The following SGCD variants were observed in gnomAD, a reference collection of about 807,000 sequenced individuals.
SGCD encodes sarcoglycan delta.
Under a neutral mutation model 36.6 loss-of-function variants are expected in SGCD, and 18 were observed. That is an observed-to-expected ratio of 0.49 (90% CI 0.34 to 0.73). SGCD has a LOEUF of 0.73. SGCD is among the 30% of genes least tolerant of loss of function. The pLI, the probability that SGCD is intolerant of heterozygous loss-of-function variation, is 0.01. For missense variants in SGCD, 387 were observed against 346.7 expected (o/e 1.12, Z -0.92); for synonymous variants, 133 against 130.6 (o/e 1.02, Z -0.12).
chr5:155,897,173 C>T (rs1014388094), intron 1 of SGCD, among the ~76,000 whole-genome samples: 3 of 152,162 alleles, frequency 2.0e-5, no homozygotes, highest in African/African-American at 7.2e-5. Flanking sequence ...CTATATGGTA[C>T]AGCTTAGTGC....
At chr5:156,200,353 T>C (rs780863020) in intron 3 of SGCD, among the ~76,000 whole-genome samples, 2 of 152,096 alleles carry the variant, frequency 1.3e-5, no homozygotes, top group Non-Finnish European at 2.9e-5. Context: ...AGACTGGATA[T>C]GAACCTTTGC....
At chr5:156,687,963 C>G (rs887789831) in intron 7 of SGCD, among the ~76,000 whole-genome samples, 4 of 152,064 alleles carry the variant, frequency 2.6e-5, no homozygotes, top group African/African-American at 9.7e-5. Context: ...TGACACCTAC[C>G]CCAGCCCTTC....
chr5:156,080,918 G>A (rs577333055), intron 1 of SGCD, among the ~76,000 whole-genome samples: 3 of 152,104 alleles, frequency 2.0e-5, no homozygotes, highest in Admixed American at 6.5e-5. Context: ...TCACCTATAC[G>A]TTTTCACTAT....
chr5:156,487,400 G>C (rs1260745529), intron 3 of SGCD, among the ~76,000 whole-genome samples: 1 of 152,172 alleles, frequency 6.6e-6, no homozygotes, highest in Non-Finnish European at 1.5e-5. Flanking sequence ...AAAATCCACT[G>C]TTACACCAGA....
chr5:156,536,630 T>G (rs11746739), intron 4 of SGCD, among the ~76,000 whole-genome samples: 65,581 of 151,316 alleles, frequency 0.43, 14,537 homozygotes, highest in Non-Finnish European at 0.49. Flanking sequence ...TTGGCAGAGG[T>G]TATGATCTGG....
At chr5:155,838,199 T>A in the SGCD span, among the ~76,000 whole-genome samples, 1 of 152,194 alleles carries the variant, frequency 6.6e-6, no homozygotes, top group Non-Finnish European at 1.5e-5. Flanking sequence ...ACTTAAAAGA[T>A]TTTAACGATT....
intron 3 of SGCD, among the ~76,000 whole-genome samples, chr5:156,384,961 G>A (rs1306715640): frequency 1.3e-5 from 2 of 152,184 alleles, no homozygotes; most frequent in African/African-American, 2.4e-5. Flanking sequence ...CAGGAGAGAT[G>A]GCAGGTTGCG....
intron 7 of SGCD, among the ~76,000 whole-genome samples, chr5:156,679,725 G>A (rs1327171027): frequency 1.3e-5 from 2 of 152,078 alleles, no homozygotes; most frequent in South Asian, 2.1e-4. Flanking sequence ...CTGCGGCTAC[G>A]TTACTTAGAA....
chr5:156,152,536 TA>T (rs1169488628), intron 3 of SGCD, among the ~76,000 whole-genome samples: 2 of 151,664 alleles, frequency 1.3e-5, no homozygotes, highest in African/African-American at 2.4e-5. Context: ...AGACTTAGTA[TA>T]AAAAATATAG....
intron 3 of SGCD, among the ~76,000 whole-genome samples, chr5:156,422,911 G>A (rs1459434441): frequency 1.3e-5 from 2 of 151,574 alleles, no homozygotes; most frequent in Admixed American, 6.6e-5. Context: ...CTAGGATCAC[G>A]AAAGGAAATT....
chr5:156,285,793 G>A (rs561925136), intron 3 of SGCD, among the ~76,000 whole-genome samples: 85 of 152,124 alleles, frequency 5.6e-4, no homozygotes, highest in African/African-American at 2.0e-3. Flanking sequence ...AACACCAAAA[G>A]CAATGGCAAC....
chr5:156,438,149 T>C (rs1580992972), intron 3 of SGCD, among the ~76,000 whole-genome samples: 1 of 152,276 alleles, frequency 6.6e-6, no homozygotes, highest in East Asian at 1.9e-4. Flanking sequence ...CAGTAGGAAA[T>C]CAAGCATTTT....
At chr5:156,626,395 C>A (rs1346012337) in intron 6 of SGCD, among the ~76,000 whole-genome samples, 1 of 152,166 alleles carries the variant, frequency 6.6e-6, no homozygotes, top group Non-Finnish European at 1.5e-5. Context: ...TAAGTATGGC[C>A]CAGCTATCTC....
chr5:156,121,510 G>C (rs1762039876), intron 2 of SGCD, among the ~76,000 whole-genome samples: 1 of 152,008 alleles, frequency 6.6e-6, no homozygotes, highest in Non-Finnish European at 1.5e-5. Flanking sequence ...ACCACTTTTA[G>C]ACTACTGAGG....
intron 1 of SGCD, among the ~76,000 whole-genome samples, chr5:156,025,067 GGC>G (rs1273559897): frequency 1.3e-5 from 2 of 152,148 alleles, no homozygotes; most frequent in Non-Finnish European, 2.9e-5. Flanking sequence ...ATATTTCAGT[GGC>G]TTAACTTGGA....
chr5:156,225,220 G>C (rs369327730), intron 3 of SGCD, among the ~76,000 whole-genome samples: 2 of 152,040 alleles, frequency 1.3e-5, no homozygotes, highest in Non-Finnish European at 2.9e-5. Context: ...TTAGTATCCA[G>C]TACAAGACCT....
intron 1 of SGCD, among the ~76,000 whole-genome samples, chr5:155,992,586 A>T (rs896928306): frequency 2.0e-5 from 3 of 152,192 alleles, no homozygotes; most frequent in Non-Finnish European, 4.4e-5. Flanking sequence ...AGGTAAAATG[A>T]ACTGGAGCTG....
the SGCD span, among the ~76,000 whole-genome samples, chr5:155,762,955 G>C: frequency 6.6e-6 from 1 of 152,146 alleles, no homozygotes; most frequent in African/African-American, 2.4e-5. Flanking sequence ...TTACTTATAT[G>C]GGGTGTCTTC....
intron 3 of SGCD, among the ~76,000 whole-genome samples, chr5:156,237,751 C>T (rs1186898484): frequency 6.6e-6 from 1 of 152,262 alleles, no homozygotes; most frequent in East Asian, 1.9e-4. Flanking sequence ...TTCACCCTAA[C>T]TATAAGACTT....
Sources: gnomAD v4.1 joint callset for allele counts (sites outside exome capture counted in the v4.1 genomes callset) on GRCh38, gnomAD v4.1.1 for gene constraint, MANE v1.5 for transcripts, NCBI Gene and HGNC (gene_info 2026-07-23, HGNC 2026-07-21) for gene names.